Variants in EIF4E2 observed in about 807,000 individuals in gnomAD.
The protein encoded by EIF4E2 is eukaryotic translation initiation factor 4E type 2.
A neutral mutation model predicts 34.2 loss-of-function variants in EIF4E2; 13 were observed. The ratio of observed to expected loss-of-function variants is 0.38; its 90% CI spans 0.25 to 0.60. The LOEUF (loss-of-function observed/expected upper bound fraction) is 0.60, where lower values mean the gene tolerates loss of function less well. Ranked by LOEUF, EIF4E2 falls within the 20% of genes least tolerant of loss-of-function variation. The pLI, the probability that EIF4E2 is intolerant of heterozygous loss-of-function variation, is 0.62. For missense variants in EIF4E2, 222 were observed against 315.1 expected, an observed-to-expected ratio of 0.70 and a Z score of 2.24; for synonymous variants, 100 against 106.6, an observed-to-expected ratio of 0.94 and a Z score of 0.38.
exon 7 of EIF4E2, chr2:232,583,310 C>G (rs1188836927): frequency 1.6e-5 from 1 of 60,860 alleles, no homozygotes; most frequent in Non-Finnish European, 3.6e-5. Flanking sequence ...TCTCCTCTAA[C>G]TCCTTTGCTG....
chr2:232,576,467 A>G (rs1693220621), intron 6 of EIF4E2, among the ~76,000 whole-genome samples: 1 of 151,590 alleles, frequency 6.6e-6, no homozygotes. Context: ...ATATTTGCAT[A>G]ATTGCCATTT....
In EIF4E2 at chr2:232,557,887, G is replaced by T; in HGVS notation, c.139G>T (p.Val47Phe). Residue 47 changes from valine (V) to phenylalanine (F), a missense_variant, in exon 3 of 7, where the codon GTT becomes TTT. By Grantham distance (50) the Val-to-Phe change is conservative. Around this residue, in one of 3 missense-constraint regions of EIF4E2, gnomAD observed 87 missense variants for 93.6 expected, o/e 0.93. Coordinates refer to ENST00000258416, the MANE Select transcript of EIF4E2 (RefSeq NM_004846.4). The stretch of plus-strand genomic sequence containing the variant: ...ACACACCTTCTTTACTTCCCAGGCT[G>T]TTGTCCCTGGACCGGCAGAGCATCC... The part of the protein sequence containing the change: ...KNQSSSKRKA[V>F]VPGPAEHPLQ... 1 of 1,613,212 alleles carries T rather than the reference G, an allele frequency of 6.2e-7. No homozygotes were observed. The highest frequency in any genetic ancestry group is 2.2e-5 in the East Asian group (1 of 44,878).
chr2:232,572,265 C>T (rs1006564672), downstream of EIF4E2, among the ~76,000 whole-genome samples: 3 of 152,120 alleles, frequency 2.0e-5, no homozygotes, highest in African/African-American at 7.2e-5. Context: ...GCCTCTTGGC[C>T]GAGCTGTGGG....
At chr2:232,571,837 T>G (rs568709934), downstream of EIF4E2, among the ~76,000 whole-genome samples, 2 of 152,204 alleles carry the variant, frequency 1.3e-5, no homozygotes, top group African/African-American at 4.8e-5. Flanking sequence ...ATCTGTGATA[T>G]GTACCACCGA....
Position 232,568,835 on chromosome 2 carries a change from G to C in EIF4E2, c.666-110G>C, listed in dbSNP as rs968831590. On this transcript the variant is annotated intron_variant, in intron 6 of 6. Coordinates refer to ENST00000258416, the MANE Select transcript of EIF4E2 (RefSeq NM_004846.4). ...GGTCTGCCTCTGGGACTTCAGCCCT[G>C]TAGCTGTAGAGACCAGAAGACCAAC... The C allele has an allele frequency of 9.1e-6, 14 of 1,539,108 alleles. No homozygotes were observed. The Admixed American group carries it at 1.4e-4, about 15-fold the overall frequency.
At chr2:232,559,357 A>G (rs1010584109) in intron 3 of EIF4E2, among the ~76,000 whole-genome samples, 2 of 151,898 alleles carry the variant, frequency 1.3e-5, no homozygotes, top group African/African-American at 4.8e-5. Context: ...TCTTTTCTCA[A>G]AGTGTCTCAT....
rs752715459 is a variant in EIF4E2 at position 232,567,269 on chromosome 2, C to G, written c.665+55C>G. 7 of 1,607,326 alleles carry G rather than the reference C, an allele frequency of 4.4e-6. No individual in the cohort carries two copies. The African/African-American group carries it at 5.3e-5, about 12-fold the overall frequency. On this transcript the variant is annotated intron_variant, in intron 6 of 6. Transcript: ENST00000258416. ...GTCCCTAAGCTTAGTATAAGTAGAT[C>G]TGTAGTTGGGCCCAGAGGAATATGG...
At position 232,579,187 on chromosome 2, in the gene EIF4E2, CTG is replaced by C. The variant is rs1693288980; in HGVS notation, c.666-1713_666-1712del. Among the ~76,000 whole-genome samples, 4 of 151,142 alleles carry C rather than the reference CTG, an allele frequency of 2.6e-5. No individual in the cohort carries two copies. The South Asian group carries it at 6.3e-4, about 24-fold the overall frequency. On this transcript the variant is annotated intron_variant, in intron 6 of 6. Coordinates refer to the EIF4E2 transcript ENST00000409098. ...ACACACCAGTTATGCTTGCTTTTCT[CTG>C]TGTTATGATCAGATATGTTCCTTAT...
At chr2:232,558,135 T>C in intron 3 of EIF4E2, 117 bp downstream of exon 3, 1 of 1,375,440 alleles carries the variant, frequency 7.3e-7, no homozygotes, top group Non-Finnish European at 9.9e-7. Context: ...CTTAATTGAC[T>C]GACCTGAGTC....
Position 232,557,893 on chromosome 2 carries a change from C to G in EIF4E2, c.145C>G (p.Pro49Ala). Residue 49 changes from proline (P) to alanine (A), a missense_variant, in exon 3 of 7, where the codon CCT (proline) becomes GCT (alanine). Coordinates refer to ENST00000258416, the MANE Select transcript of EIF4E2 (RefSeq NM_004846.4). ...QSSSKRKAVV[P>A]GPAEHPLQYN... is the part of the protein sequence containing the mutation. ...CTTCTTTACTTCCCAGGCTGTTGTC[C>G]CTGGACCGGCAGAGCATCCCCTGCA... The G allele has an allele frequency of 3.1e-6, 5 of 1,613,366 alleles. No individual in the cohort carries two copies. The highest frequency in any genetic ancestry group is 4.2e-6 in the Non-Finnish European group (5 of 1,179,860).
rs759430772 is a variant in EIF4E2 at position 232,557,841 on chromosome 2, C to T, written c.136-43C>T. 65 of 1,602,018 alleles carry T rather than the reference C, an allele frequency of 4.1e-5. No individual in the cohort carries two copies. In the East Asian group the frequency reaches 4.9e-4, roughly 12 times the overall value. On this transcript the variant is annotated intron_variant, in intron 2 of 6. Transcript: ENST00000258416. ...AAAATGTTCTCTCAGTCTCAGACCA[C>T]GTGACAAATGCCCAGGACTAACACA...
At chr2:232,561,844 A>G (rs1006549927) in intron 3 of EIF4E2, among the ~76,000 whole-genome samples, 4 of 150,492 alleles carry the variant, frequency 2.7e-5, no homozygotes, top group African/African-American at 9.8e-5. Flanking sequence ...TCCTTTCGGC[A>G]CCTCATATTC....
chr2:232,554,065 A>G (rs79937185), intron 1 of EIF4E2, among the ~76,000 whole-genome samples: 257 of 152,320 alleles, frequency 1.7e-3, no homozygotes, highest in African/African-American at 6.0e-3. Flanking sequence ...TCCTGGGCCT[A>G]AGCAGAAGAA....
At position 232,578,255 on chromosome 2, in the gene EIF4E2, C is replaced by A. The variant is rs1693266475; in HGVS notation, c.666-2649C>A. ...GCTTTTCCTTTACTCTTCTCCTCCCCCTTTTCACTTTGCAAGTGGACTTTA... is the reference window on the plus strand; with the variant it reads ...GCTTTTCCTTTACTCTTCTCCTCCCACTTTTCACTTTGCAAGTGGACTTTA... On this transcript the variant is annotated intron_variant, in intron 6 of 6. Coordinates refer to the EIF4E2 transcript ENST00000409098. Among the ~76,000 whole-genome samples, 5 of 152,190 alleles carry A rather than the reference C, an allele frequency of 3.3e-5. No homozygotes were observed. In the South Asian group the frequency reaches 1.0e-3, roughly 32 times the overall value.
rs781558692 is a variant in EIF4E2 at position 232,566,836 on chromosome 2, C to A, written c.383C>A (p.Ala128Glu). Residue 128 changes from alanine to glutamate, a missense_variant, in exon 5 of 7, where the codon GCA becomes GAA. Physicochemically the swap from Ala to Glu is moderately radical, Grantham distance 107. Around this residue, in one of 3 missense-constraint regions of EIF4E2, gnomAD observed 105 missense variants for 195.1 expected, o/e 0.54. Coordinates refer to ENST00000258416, the MANE Select transcript of EIF4E2 (RefSeq NM_004846.4). The surrounding 1 kb of genome is among the most constrained non-coding windows in gnomAD (Gnocchi z 4.9). ...EGIKPMWEDD[A>E]NKNGGKWIIR... is the part of the protein sequence containing the mutation. ...CTTTCTGTCTTTTTACAGGATGATG[C>A]AAATAAAAATGGTGGCAAGTGGATT... The A allele has an allele frequency of 3.7e-6, 6 of 1,613,924 alleles. No individual in the cohort carries two copies. In the Admixed American group the frequency reaches 8.3e-5, roughly 22 times the overall value.
Position 232,567,105 on chromosome 2 carries a change from A to C in EIF4E2, c.556A>C (p.Thr186Pro). 1 of 1,614,158 alleles carries C rather than the reference A, an allele frequency of 6.2e-7. No homozygotes were observed. Among genetic ancestry groups the C allele is most frequent in the Non-Finnish European group, 8.5e-7 (1 of 1,180,018 alleles). The part of the protein sequence containing the change: ...QEDIISIWNK[T>P]ASDQATTARI... ...AGACATTATTTCAATATGGAATAAGACTGCCAGTGACCAAGCAACCACAGC... is the reference window on the plus strand; with the variant it reads ...AGACATTATTTCAATATGGAATAAGCCTGCCAGTGACCAAGCAACCACAGC... Residue 186 changes from threonine (T) to proline (P), a missense_variant, in exon 6 of 7, where the codon ACT (threonine) becomes CCT (proline). Physicochemically the swap from Thr to Pro is conservative, Grantham distance 38. Transcript: ENST00000258416.
At chr2:232,561,663 T>C (rs1692728261) in intron 3 of EIF4E2, among the ~76,000 whole-genome samples, 1 of 152,212 alleles carries the variant, frequency 6.6e-6, no homozygotes, top group Non-Finnish European at 1.5e-5. Flanking sequence ...TAACAACATT[T>C]AAAAGTTCTT....
downstream of EIF4E2, chr2:232,569,808 C>G (rs769496263): frequency 6.6e-6 from 1 of 152,254 alleles, no homozygotes; most frequent in Non-Finnish European, 1.5e-5. Flanking sequence ...CCTTCCCTTT[C>G]TCCTGGGCCC....
chr2:232,574,718 G>A (rs1002841131), intron 6 of EIF4E2, among the ~76,000 whole-genome samples: 2 of 152,192 alleles, frequency 1.3e-5, no homozygotes, highest in African/African-American at 4.8e-5. Flanking sequence ...AGTTCCACAG[G>A]CCCCAACATG....
Sources: gnomAD v4.1 joint callset for allele counts (sites outside exome capture counted in the v4.1 genomes callset) on GRCh38, gnomAD v4.1.1 for gene constraint, gnomAD v4.1.1 regional missense constraint, Gnocchi (gnomAD v3.1) non-coding constraint, MANE v1.5 for transcripts, NCBI Gene and HGNC (gene_info 2026-07-23, HGNC 2026-07-21) for gene names.